The following ADAM9 variants were observed in gnomAD, a reference collection of about 807,000 sequenced individuals.
ADAM9 encodes the protein ADAM metallopeptidase domain 9, also known as disintegrin and metalloproteinase domain-containing protein 9.
A neutral mutation model predicts 108.1 loss-of-function variants in ADAM9; 54 were observed. The ratio of observed to expected loss-of-function variants is 0.50; its 90% CI spans 0.40 to 0.63. ADAM9 has a LOEUF of 0.63. ADAM9 is among the 20% of genes least tolerant of loss of function. ADAM9 has a pLI of 0.00. For missense variants in ADAM9, 830 were observed against 997.7 expected, an observed-to-expected ratio of 0.83 and a Z score of 2.26; for synonymous variants, 316 against 336.0, an observed-to-expected ratio of 0.94 and a Z score of 0.65.
intron 11 of ADAM9, among the ~76,000 whole-genome samples, chr8:39,037,078 A>T (rs1178606390): frequency 2.8e-5 from 2 of 72,020 alleles, no homozygotes; most frequent in Non-Finnish European, 5.1e-5. Flanking sequence ...TTTTTTTGAG[A>T]CGGAGTCTCG....
chr8:39,077,426 T>C lies in ADAM9; in HGVS notation c.1881+15T>C, dbSNP rs1838882553. 1.2e-6 allele frequency: 2 copies of C among 1,600,720 alleles called. No homozygotes were observed. Among genetic ancestry groups the C allele is most frequent in the Non-Finnish European group, 1.7e-6 (2 of 1,173,398 alleles). On this transcript the variant is annotated intron_variant, in intron 16 of 21. Coordinates refer to ENST00000487273, the MANE Select transcript of ADAM9 (RefSeq NM_003816.3). ...GTGCTGGAAAGGTAATCAAAATATT[T>C]TTTATTTACAAAGTAAAATGAAAAA...
At chr8:39,054,601 G>GCAA in intron 13 of ADAM9, 28 bp downstream of exon 13, 2 of 752,314 alleles carry the variant, frequency 2.7e-6, no homozygotes, top group Non-Finnish European at 3.6e-6. Context: ...TTTGGAAACA[G>GCAA]GAAAAAAAAA....
At chr8:39,023,368 A>T in intron 9 of ADAM9, 43 bp downstream of exon 9, 2 of 1,549,092 alleles carry the variant, frequency 1.3e-6, no homozygotes, top group Non-Finnish European at 1.7e-6. Flanking sequence ...AATAATCAAA[A>T]TAATAATTTT....
At chr8:39,062,137 A>C (rs938308745) in intron 14 of ADAM9, among the ~76,000 whole-genome samples, 6 of 152,308 alleles carry the variant, frequency 3.9e-5, no homozygotes, top group African/African-American at 1.4e-4. Context: ...TTAGGGCTTC[A>C]ACAGATGAAT....
intron 12 of ADAM9, among the ~76,000 whole-genome samples, chr8:39,051,306 C>T (rs141814105): frequency 2.0e-5 from 3 of 152,194 alleles, no homozygotes; most frequent in African/African-American, 4.8e-5. Context: ...GTTGGGATTG[C>T]GGCGAGAAAG....
At chr8:39,050,465 T>TTTC (rs1837920943) in intron 12 of ADAM9, among the ~76,000 whole-genome samples, 1 of 151,286 alleles carries the variant, frequency 6.6e-6, no homozygotes, top group Non-Finnish European at 1.5e-5. Flanking sequence ...TTTTTTTTTT[T>TTTC]GCTCCTCTGA....
At chr8:39,046,988 C>T (rs999373739) in intron 12 of ADAM9, among the ~76,000 whole-genome samples, 2 of 152,096 alleles carry the variant, frequency 1.3e-5, no homozygotes, top group African/African-American at 2.4e-5. Context: ...AGACTGGTCT[C>T]GAACTCCTGG....
chr8:39,015,915 T>C, intron 4 of ADAM9: 1 of 566,784 alleles, frequency 1.8e-6, no homozygotes, highest in South Asian at 2.1e-5. Flanking sequence ...GCCTAAACAT[T>C]TGTGTACTCA....
At chr8:39,088,617 A>C (rs917658767) in intron 18 of ADAM9, among the ~76,000 whole-genome samples, 2 of 152,200 alleles carry the variant, frequency 1.3e-5, no homozygotes, top group East Asian at 1.9e-4. Context: ...ATTATGAATC[A>C]GTTTACCACT....
chr8:39,046,902 G>A (rs1353230429), intron 12 of ADAM9, among the ~76,000 whole-genome samples: 2 of 152,006 alleles, frequency 1.3e-5, no homozygotes, highest in Admixed American at 6.6e-5. Flanking sequence ...TTGAGTAGTC[G>A]GGACTACAGG....
At chr8:39,064,606 A>G (rs1315397856) in intron 14 of ADAM9, among the ~76,000 whole-genome samples, 1 of 152,162 alleles carries the variant, frequency 6.6e-6, no homozygotes, top group Non-Finnish European at 1.5e-5. Flanking sequence ...ATTTATCCTG[A>G]GATCTTTCAC....
In ADAM9 at chr8:39,076,983, G is replaced by T. The variant is rs114448550; in HGVS notation, c.1698-245G>T. Among the ~76,000 whole-genome samples the T allele has an allele frequency of 8.2e-3, 1,243 of 152,258 alleles. 19 individuals are homozygous for T. The highest frequency in any genetic ancestry group is 0.029 in the African/African-American group (1,189 of 41,546). On this transcript the variant is annotated intron_variant, in intron 15 of 21. Coordinates refer to ENST00000487273, the MANE Select transcript of ADAM9 (RefSeq NM_003816.3). ...CAGACAGTGAAGAAGATTAAGTGTGGTAAAAGAAGAAGCATCAGCACCAGC... is the reference window on the plus strand; with the variant it reads ...CAGACAGTGAAGAAGATTAAGTGTGTTAAAAGAAGAAGCATCAGCACCAGC...
At position 39,062,384 on chromosome 8, in the gene ADAM9, T is replaced by G. The variant is rs149476971; in HGVS notation, c.1591+6612T>G. ...TTAAGAGGCTGTGACTTTCTGTTTT[T>G]ATGATTCAAATTAGACTTTTGTTTA... is the stretch of plus-strand genomic sequence containing the variant. On this transcript the variant is annotated intron_variant, in intron 14 of 21. Transcript: ENST00000487273. Among the ~76,000 whole-genome samples the G allele has an allele frequency of 3.3e-5, 5 of 152,366 alleles. No homozygotes were observed. The East Asian group carries it at 9.6e-4, about 29-fold the overall frequency.
chr8:39,018,783 A>T, intron 6 of ADAM9, 70 bp from the exon 7 acceptor site: 1 of 1,289,714 alleles, frequency 7.8e-7, no homozygotes, highest in Non-Finnish European at 1.1e-6. Flanking sequence ...GAAATAAGTG[A>T]TGAGAGATTA....
chr8:39,067,514 A>G (rs968620603), intron 14 of ADAM9, among the ~76,000 whole-genome samples: 4 of 152,284 alleles, frequency 2.6e-5, no homozygotes, highest in Non-Finnish European at 4.4e-5. Flanking sequence ...CTTTTTAGCA[A>G]TTGTGAATGG....
intron 1 of ADAM9, among the ~76,000 whole-genome samples, chr8:38,997,736 T>G (rs939911482): frequency 2.0e-5 from 3 of 152,250 alleles, no homozygotes; most frequent in Admixed American, 6.5e-5. Flanking sequence ...TTCTCTTGGG[T>G]CATTTTTGTA....
At chr8:39,070,267 A>G (rs1212052984) in intron 14 of ADAM9, among the ~76,000 whole-genome samples, 1 of 152,042 alleles carries the variant, frequency 6.6e-6, no homozygotes, top group East Asian at 1.9e-4. Context: ...TTAATGATAT[A>G]CTATAATTTA....
intron 14 of ADAM9, among the ~76,000 whole-genome samples, chr8:39,067,284 T>G (rs1838513068): frequency 6.6e-6 from 1 of 152,230 alleles, no homozygotes; most frequent in African/African-American, 2.4e-5. Flanking sequence ...TCCAATTCTG[T>G]GAAGAAAGTC....
chr8:39,021,318 T>C (rs963238518), intron 7 of ADAM9, among the ~76,000 whole-genome samples: 2 of 152,202 alleles, frequency 1.3e-5, no homozygotes, highest in Admixed American at 1.3e-4. Flanking sequence ...AGTTTTGCTC[T>C]TTCTCCCAGA....
Sources: gnomAD v4.1 joint callset for allele counts (sites outside exome capture counted in the v4.1 genomes callset) on GRCh38, gnomAD v4.1.1 for gene constraint, MANE v1.5 for transcripts, NCBI Gene and HGNC (gene_info 2026-07-23, HGNC 2026-07-21) for gene names.